Variants in TBL1X observed in about 807,000 individuals in gnomAD.
TBL1X encodes transducin beta like 1 X-linked.
A neutral mutation model predicts 50.7 loss-of-function variants in TBL1X; 10 were observed. That is an observed-to-expected ratio of 0.20 (90% CI 0.12 to 0.33). The LOEUF (loss-of-function observed/expected upper bound fraction) is 0.33, where lower values mean the gene tolerates loss of function less well. Among genes scored for constraint, TBL1X ranks in the 10% least tolerant of loss-of-function variants. The pLI is 1.00. For missense variants in TBL1X, 340 were observed against 504.4 expected, an observed-to-expected ratio of 0.67 and a Z score of 3.12; for synonymous variants, 190 against 214.7, an observed-to-expected ratio of 0.88 and a Z score of 1.01.
chrX:9,582,212 G>A (rs770624056), intron 2 of TBL1X, among the ~76,000 whole-genome samples: 3 of 112,151 alleles, frequency 2.7e-5, no homozygotes, highest in South Asian at 3.7e-4. Context: ...GCAAGTTAAC[G>A]TTTAAAGTGT....
intron 2 of TBL1X, among the ~76,000 whole-genome samples, chrX:9,635,426 G>GA (rs1383819806): frequency 1.8e-4 from 19 of 104,430 alleles, no homozygotes; most frequent in South Asian, 4.2e-4. Context: ...TTCTGAGTGG[G>GA]AAAAAAAAAA....
intron 2 of TBL1X, among the ~76,000 whole-genome samples, chrX:9,563,628 G>GATTA (rs1369583788): frequency 8.9e-6 from 1 of 112,509 alleles, no homozygotes; most frequent in Non-Finnish European, 1.9e-5. Context: ...GCTTAACTAA[G>GATTA]ATTAAGTAAA....
chrX:9,686,302 T>C (rs191113640), intron 6 of TBL1X, among the ~76,000 whole-genome samples: 38 of 112,202 alleles, frequency 3.4e-4, no homozygotes, highest in African/African-American at 1.1e-3. Context: ...ACCTCTCATC[T>C]GTTGAGAAGC....
intron 2 of TBL1X, among the ~76,000 whole-genome samples, chrX:9,536,112 T>A (rs998003546): frequency 8.9e-6 from 1 of 111,977 alleles, no homozygotes; most frequent in Admixed American, 9.5e-5. Flanking sequence ...TGTCCTGTGA[T>A]AACCTCAGTA....
intron 2 of TBL1X, among the ~76,000 whole-genome samples, chrX:9,571,210 TCA>T (rs919609448): frequency 2.7e-5 from 3 of 111,614 alleles, no homozygotes; most frequent in Non-Finnish European, 5.6e-5. Flanking sequence ...TGCTGTGTCC[TCA>T]CACGGCCTTT....
At chrX:9,556,115 G>A (rs1320441575) in intron 2 of TBL1X, among the ~76,000 whole-genome samples, 1 of 109,827 alleles carries the variant, frequency 9.1e-6, no homozygotes, top group African/African-American at 3.3e-5. Flanking sequence ...TTTGAGCCCA[G>A]GAGTTAGAGG....
At chrX:9,467,744 G>T (rs975794132) in intron 1 of TBL1X, among the ~76,000 whole-genome samples, 2 of 111,250 alleles carry the variant, frequency 1.8e-5, no homozygotes, top group African/African-American at 3.3e-5. Context: ...TTTCTGTGGG[G>T]CTCGACCACA....
intron 2 of TBL1X, among the ~76,000 whole-genome samples, chrX:9,548,471 A>G (rs754468898): frequency 1.2e-3 from 136 of 112,209 alleles, no homozygotes; most frequent in African/African-American, 4.3e-3. Context: ...CATGTAAACC[A>G]GCAAAAATGT....
At chrX:9,535,388 G>A (rs1475800274) in intron 2 of TBL1X, among the ~76,000 whole-genome samples, 1 of 112,367 alleles carries the variant, frequency 8.9e-6, no homozygotes, top group African/African-American at 3.2e-5. Flanking sequence ...CCAGGCTTGC[G>A]AGTGTGCAGA....
At chrX:9,711,169 C>T (rs954010567) in intron 15 of TBL1X, among the ~76,000 whole-genome samples, 9 of 109,887 alleles carry the variant, frequency 8.2e-5, no homozygotes, top group Non-Finnish European at 1.9e-5. Context: ...CAGTGAAACC[C>T]CGTCTCTACA....
chrX:9,668,511 G>T (rs1185486367), intron 5 of TBL1X, among the ~76,000 whole-genome samples: 1 of 112,017 alleles, frequency 8.9e-6, no homozygotes, highest in African/African-American at 3.2e-5. Flanking sequence ...AGATAAACTT[G>T]TGCAAAATTT....
intron 13 of TBL1X, among the ~76,000 whole-genome samples, chrX:9,706,778 T>C (rs1226674903): frequency 9.0e-6 from 1 of 111,505 alleles, no homozygotes; most frequent in Non-Finnish European, 1.9e-5. Flanking sequence ...AAAAATTCCC[T>C]GTGCCTCTGT....
chrX:9,688,773 C>T (rs761030271), intron 7 of TBL1X, among the ~76,000 whole-genome samples: 3 of 112,956 alleles, frequency 2.7e-5, no homozygotes, highest in Non-Finnish European at 5.6e-5. Flanking sequence ...AGTCAGAGAG[C>T]CCAAAATTCT....
intron 3 of TBL1X, among the ~76,000 whole-genome samples, chrX:9,647,109 T>C (rs1004115718): frequency 1.3e-4 from 15 of 112,016 alleles, no homozygotes; most frequent in African/African-American, 4.5e-4. Flanking sequence ...AATGAAACTC[T>C]TAAACAGCCA....
intron 6 of TBL1X, among the ~76,000 whole-genome samples, chrX:9,686,373 T>G (rs1181610242): frequency 1.8e-5 from 2 of 112,238 alleles, no homozygotes; most frequent in African/African-American, 6.5e-5. Context: ...AATGAAAGAC[T>G]GTCCCATTTG....
At chrX:9,624,665 A>C (rs1265110945) in intron 2 of TBL1X, among the ~76,000 whole-genome samples, 1 of 111,487 alleles carries the variant, frequency 9.0e-6, no homozygotes, top group Non-Finnish European at 1.9e-5. Context: ...TTGAAGTGAT[A>C]TTTGCATGAA....
intron 5 of TBL1X, among the ~76,000 whole-genome samples, chrX:9,674,677 T>C (rs1366877201): frequency 0.07 from 129 of 1,837 alleles, no homozygotes; most frequent in African/African-American, 0.1. Flanking sequence ...TCCTCCCGCC[T>C]CAGCCCCCCC....
chrX:9,508,799 A>G (rs957065106), intron 2 of TBL1X, among the ~76,000 whole-genome samples: 7 of 111,505 alleles, frequency 6.3e-5, no homozygotes, highest in African/African-American at 2.3e-4. Flanking sequence ...GACATGGATG[A>G]AGCTGGAAGC....
intron 1 of TBL1X, among the ~76,000 whole-genome samples, chrX:9,468,010 T>C (rs2081788432): frequency 8.9e-6 from 1 of 112,310 alleles, no homozygotes; most frequent in East Asian, 2.8e-4. Flanking sequence ...GCCATCGCCA[T>C]CCAGTATTTA....
Sources: allele counts gnomAD v4.1 joint callset (sites outside exome capture counted in the v4.1 genomes callset), GRCh38; gene constraint gnomAD v4.1.1; transcripts MANE v1.5; gene names NCBI Gene and HGNC (gene_info 2026-07-23, HGNC 2026-07-21).